SPMAP2: variants seen among roughly 807,000 people sequenced by gnomAD.
SPMAP2 encodes the protein Theg homolog.
At chr19:363,619 C>T in the SPMAP2 span, among the ~76,000 whole-genome samples, 134 of 152,080 alleles carry the variant, frequency 8.8e-4, 1 homozygote, top group African/African-American at 3.1e-3. Flanking sequence ...CTGTAACCTC[C>T]GCTCCCCAGG....
At chr19:372,773 C>T in the SPMAP2 span, 338 of 1,447,102 alleles carry the variant, frequency 2.3e-4, no homozygotes, top group African/African-American at 7.5e-4. Context: ...CTTCTGCATG[C>T]GGAATTCAGC....
chr19:365,147 G>T, the SPMAP2 span, among the ~76,000 whole-genome samples: 2 of 152,174 alleles, frequency 1.3e-5, no homozygotes, highest in Non-Finnish European at 2.9e-5. Flanking sequence ...GCACGCACCC[G>T]CGCTCACCAC....
chr19:362,811 C>G, the SPMAP2 span, among the ~76,000 whole-genome samples: 1 of 148,284 alleles, frequency 6.7e-6, no homozygotes, highest in African/African-American at 2.5e-5. Flanking sequence ...TTCAAACGGC[C>G]TGCTCATCAG....
the SPMAP2 span, chr19:374,480 G>A: frequency 5.0e-6 from 8 of 1,607,954 alleles, no homozygotes; most frequent in East Asian, 2.2e-5. Context: ...GCGTTTGGGA[G>A]CCCAGAGAAG....
chr19:362,477 C>A, the SPMAP2 span: 1 of 1,458,086 alleles, frequency 6.9e-7, no homozygotes, highest in South Asian at 1.4e-5. Flanking sequence ...CCTCAAAGCT[C>A]CACATTCAGG....
At chr19:361,993 C>T in the SPMAP2 span, 5 of 410,604 alleles carry the variant, frequency 1.2e-5, no homozygotes, top group East Asian at 1.9e-4. Flanking sequence ...TGAAGAGATT[C>T]AGAAGGCGCT....
the SPMAP2 span, chr19:374,359 CT>C: frequency 6.2e-7 from 1 of 1,614,146 alleles, no homozygotes. Flanking sequence ...CCTCCTCCGC[CT>C]CCTCCTCTTC....
chr19:366,328 CGT>C, the SPMAP2 span, among the ~76,000 whole-genome samples: 1 of 152,008 alleles, frequency 6.6e-6, no homozygotes, highest in East Asian at 1.9e-4. Flanking sequence ...TCATACTCAA[CGT>C]GTGTGTGTTT....
At chr19:373,098 C>T in the SPMAP2 span, among the ~76,000 whole-genome samples, 2 of 152,172 alleles carry the variant, frequency 1.3e-5, no homozygotes, top group African/African-American at 4.8e-5. Context: ...TCAAGAACAG[C>T]ACAGGAGAGA....
chr19:365,014 G>A, the SPMAP2 span, among the ~76,000 whole-genome samples: 1 of 152,346 alleles, frequency 6.6e-6, no homozygotes, highest in East Asian at 1.9e-4. Context: ...GCTCTGTGAA[G>A]AGGCTCCTGG....
At chr19:362,034 TA>T in the SPMAP2 span, 1 of 463,298 alleles carries the variant, frequency 2.2e-6, no homozygotes, top group Non-Finnish European at 3.8e-6. Context: ...ACTCGGAAAA[TA>T]AACAGCTGGA....
the SPMAP2 span, chr19:374,218 G>T: frequency 1.3e-6 from 2 of 1,577,890 alleles, no homozygotes; most frequent in South Asian, 1.2e-5. Context: ...GCCGAGCAGT[G>T]GGGACAGGAG....
chr19:363,724 A>C, the SPMAP2 span, among the ~76,000 whole-genome samples: 6 of 134,260 alleles, frequency 4.5e-5, no homozygotes, highest in African/African-American at 1.6e-4. Context: ...TAGTAGAGAC[A>C]GGGTTTCACC....
the SPMAP2 span, chr19:375,553 T>C: frequency 4.2e-6 from 5 of 1,183,362 alleles, no homozygotes; most frequent in African/African-American, 6.3e-5. Flanking sequence ...GCCAGGCCGG[T>C]GGCCGGTTAC....
the SPMAP2 span, among the ~76,000 whole-genome samples, chr19:375,079 G>A: frequency 3.3e-5 from 5 of 152,284 alleles, no homozygotes; most frequent in Middle Eastern, 3.4e-3. Flanking sequence ...GGTCGGGCAC[G>A]TGCAGGGACC....
At chr19:364,336 C>T in the SPMAP2 span, among the ~76,000 whole-genome samples, 8 of 74,160 alleles carry the variant, frequency 1.1e-4, no homozygotes, top group Admixed American at 4.7e-4. Context: ...AGCTCTGTCT[C>T]AAAAAAAAAA....
chr19:362,746 AC>A, the SPMAP2 span, among the ~76,000 whole-genome samples: 104 of 145,364 alleles, frequency 7.2e-4, 2 homozygotes, highest in Admixed American at 1.1e-3. Context: ...AGCCTGGGCA[AC>A]AGAGCAAGAC....
chr19:362,455 C>A, the SPMAP2 span: 8 of 1,542,598 alleles, frequency 5.2e-6, no homozygotes, highest in South Asian at 8.7e-5. Flanking sequence ...AAGGACAGCA[C>A]TGAAGCTCAA....
chr19:362,639 G>T, the SPMAP2 span, among the ~76,000 whole-genome samples: 2 of 152,026 alleles, frequency 1.3e-5, no homozygotes, highest in East Asian at 1.9e-4. Context: ...GTGGTGGTGC[G>T]TCTCTAGTCC....
Sources: gnomAD v4.1 joint callset for allele counts (sites outside exome capture counted in the v4.1 genomes callset) on GRCh38, gnomAD v4.1.1 for gene constraint, MANE v1.5 for transcripts, NCBI Gene and HGNC (gene_info 2026-07-23, HGNC 2026-07-21) for gene names.